Variants in CDC42BPA observed in about 807,000 individuals in gnomAD.
CDC42BPA encodes CDC42 binding protein kinase alpha, also known as serine/threonine-protein kinase MRCK alpha.
Under a neutral mutation model 223.5 loss-of-function variants are expected in CDC42BPA, and 80 were observed. That is an observed-to-expected ratio of 0.36 (90% CI 0.30 to 0.43). CDC42BPA has a LOEUF of 0.43. CDC42BPA is among the 20% of genes least tolerant of loss of function. The pLI, the probability that CDC42BPA is intolerant of heterozygous loss-of-function variation, is 1.00. For missense variants in CDC42BPA, 1,743 were observed against 2,099.9 expected, an observed-to-expected ratio of 0.83 and a Z score of 3.32; for synonymous variants, 694 against 718.6, an observed-to-expected ratio of 0.97 and a Z score of 0.55.
At chr1:227,010,710 G>A (rs1665002498) in intron 34 of CDC42BPA, among the ~76,000 whole-genome samples, 2 of 146,840 alleles carry the variant, frequency 1.4e-5, no homozygotes, top group South Asian at 4.2e-4. Context: ...GGAAAGAAGA[G>A]GAAGATACAT....
intron 1 of CDC42BPA, among the ~76,000 whole-genome samples, chr1:227,280,113 TAA>T (rs1287890459): frequency 6.6e-6 from 1 of 152,126 alleles, no homozygotes; most frequent in African/African-American, 2.4e-5. Flanking sequence ...AAACCTTGTA[TAA>T]AAAAAGACTT....
At chr1:227,064,893 C>A (rs542271329) in intron 21 of CDC42BPA, among the ~76,000 whole-genome samples, 1 of 152,040 alleles carries the variant, frequency 6.6e-6, no homozygotes, top group Non-Finnish European at 1.5e-5. Context: ...GTCAGGAGAT[C>A]AAGACCATCC....
intron 1 of CDC42BPA, among the ~76,000 whole-genome samples, chr1:227,271,132 A>G (rs564738199): frequency 1.3e-5 from 2 of 152,302 alleles, no homozygotes; most frequent in Admixed American, 6.5e-5. Context: ...ACTTAATGTG[A>G]TATCTGGTGC....
intron 35 of CDC42BPA, among the ~76,000 whole-genome samples, chr1:226,996,450 C>G (rs1022678442): frequency 6.6e-6 from 1 of 152,100 alleles, no homozygotes; most frequent in African/African-American, 2.4e-5. Context: ...ATCTGAATAC[C>G]CTTTATTTCC....
intron 10 of CDC42BPA, among the ~76,000 whole-genome samples, chr1:227,131,814 T>C (rs1479514058): frequency 1.3e-5 from 2 of 152,206 alleles, no homozygotes; most frequent in African/African-American, 4.8e-5. Context: ...ATCCATATTA[T>C]TTAAGAATTC....
chr1:227,051,947 G>A lies in CDC42BPA; in HGVS notation c.2943C>T (p.Ser981=), dbSNP rs1468388952. ...PVENTYVWNP[S]VKFHIQSRST... ...ACCGTGACTGGATGTGAAACTTGAC[G>A]CTCGGGTTCCATACATATGTGTTCT... is the stretch of plus-strand genomic sequence containing the variant. Residue 981 remains serine (S), a synonymous_variant, in exon 22 of 37, where the codon AGC becomes AGT. Transcript: ENST00000366766. 5 of 1,366,368 alleles carry A rather than the reference G, an allele frequency of 3.7e-6. No homozygotes were observed. The highest frequency in any genetic ancestry group is 2.3e-5 in the South Asian group (2 of 88,034). The allele number at this position is 1,366,368 out of a possible 1,614,324, so 84.6% of individuals were successfully genotyped here.
intron 3 of CDC42BPA, among the ~76,000 whole-genome samples, chr1:227,212,122 A>G: frequency 6.6e-6 from 1 of 151,796 alleles, no homozygotes; most frequent in East Asian, 1.9e-4. Flanking sequence ...AAAAACTAAA[A>G]GCAAAAACTT....
intron 10 of CDC42BPA, among the ~76,000 whole-genome samples, chr1:227,134,666 A>C: frequency 6.6e-6 from 1 of 152,192 alleles, no homozygotes; most frequent in East Asian, 1.9e-4. Context: ...ATACTCAATA[A>C]ACAGCTAATA....
At chr1:227,301,013 G>A (rs985011646) in intron 1 of CDC42BPA, among the ~76,000 whole-genome samples, 8 of 152,114 alleles carry the variant, frequency 5.3e-5, no homozygotes, top group African/African-American at 1.7e-4. Flanking sequence ...CATCCTTTGC[G>A]TCATTTACAT....
intron 2 of CDC42BPA, among the ~76,000 whole-genome samples, chr1:227,242,964 A>G (rs545463682): frequency 1.3e-5 from 2 of 152,244 alleles, no homozygotes; most frequent in Admixed American, 6.5e-5. Flanking sequence ...AATGTGGTAC[A>G]TATACACCAT....
chr1:227,163,170 G>C (rs146173309), intron 5 of CDC42BPA, among the ~76,000 whole-genome samples: 1 of 151,588 alleles, frequency 6.6e-6, no homozygotes, highest in Admixed American at 6.6e-5. Context: ...GTGTGTATAT[G>C]TTTCCAAACA....
chr1:227,116,028 A>G (rs1687731817), intron 12 of CDC42BPA, among the ~76,000 whole-genome samples: 1 of 152,174 alleles, frequency 6.6e-6, no homozygotes, highest in South Asian at 2.1e-4. Context: ...TTCTATTTCT[A>G]TGACCTTGAG....
At chr1:227,061,103 T>C (rs968523348) in intron 21 of CDC42BPA, among the ~76,000 whole-genome samples, 1 of 152,138 alleles carries the variant, frequency 6.6e-6, no homozygotes, top group African/African-American at 2.4e-5. Context: ...TAAACCAGGA[T>C]TAGAAGGCCC....
chr1:227,311,787 T>C (rs889360496), intron 1 of CDC42BPA, among the ~76,000 whole-genome samples: 1 of 151,928 alleles, frequency 6.6e-6, no homozygotes, highest in Non-Finnish European at 1.5e-5. Context: ...AGGAACACAG[T>C]ATTCATTCTC....
intron 4 of CDC42BPA, among the ~76,000 whole-genome samples, chr1:227,195,988 C>T (rs1041181988): frequency 9.9e-5 from 15 of 152,224 alleles, no homozygotes; most frequent in African/African-American, 3.6e-4. Flanking sequence ...CCAATTAATA[C>T]ATGCTGAACC....
chr1:227,039,336 T>C (rs1362498236), intron 24 of CDC42BPA, among the ~76,000 whole-genome samples: 3 of 152,162 alleles, frequency 2.0e-5, no homozygotes, highest in South Asian at 2.1e-4. Flanking sequence ...AAAGTTTATA[T>C]TGTTTATTTT....
intron 3 of CDC42BPA, among the ~76,000 whole-genome samples, chr1:227,211,261 A>G (rs1174701678): frequency 6.6e-6 from 1 of 152,168 alleles, no homozygotes; most frequent in East Asian, 1.9e-4. Flanking sequence ...TTACTATACA[A>G]TAATTACCTC....
intron 21 of CDC42BPA, among the ~76,000 whole-genome samples, chr1:227,060,629 A>T (rs1675688121): frequency 6.6e-6 from 1 of 152,146 alleles, no homozygotes; most frequent in Non-Finnish European, 1.5e-5. Flanking sequence ...AGAAGATTTA[A>T]GAAAAAAGGA....
rs77674421 is a variant in CDC42BPA at position 227,165,438 on chromosome 1, A to C, written c.600-4802T>G. Among the ~76,000 whole-genome samples, 559 of 151,084 alleles carry C rather than the reference A, an allele frequency of 3.7e-3. 3 individuals are homozygous for C. Among genetic ancestry groups the C allele is most frequent in the African/African-American group, 0.012 (510 of 41,112 alleles). On this transcript the variant is annotated intron_variant, in intron 5 of 36. Transcript: ENST00000366766. ...ATGTACTGTTAGGCATTTAGTACAC[A>C]TAAAAGGAAATTTTAAGAGTACTGA...
Sources: allele counts gnomAD v4.1 joint callset (sites outside exome capture counted in the v4.1 genomes callset), GRCh38; gene constraint gnomAD v4.1.1; transcripts MANE v1.5; gene names NCBI Gene and HGNC (gene_info 2026-07-23, HGNC 2026-07-21).